The following CACNA1E variants were observed in gnomAD, a reference collection of about 807,000 sequenced individuals.
CACNA1E encodes the protein voltage-dependent R-type calcium channel subunit alpha-1E.
A neutral mutation model predicts 259.2 loss-of-function variants in CACNA1E; 40 were observed. That is an observed-to-expected ratio of 0.15 (90% CI 0.12 to 0.20). CACNA1E has a LOEUF of 0.20. Ranked by LOEUF, CACNA1E falls within the 10% of genes least tolerant of loss-of-function variation. CACNA1E has a pLI of 1.00. For missense variants in CACNA1E, 1,874 were observed against 3,040.1 expected (o/e 0.62, Z 9.02); for synonymous variants, 1,104 against 1,138.5 (o/e 0.97, Z 0.61).
At chr1:181,577,730 C>G in intron 3 of CACNA1E, 36 bp from the exon 4 acceptor site, 1 of 1,418,878 alleles carries the variant, frequency 7.0e-7, no homozygotes, top group Non-Finnish European at 9.8e-7. Context: ...GAAAACCAGA[C>G]TGGTAACCTT....
At chr1:181,377,211 A>G (rs1371210502) in intron 1 of CACNA1E, among the ~76,000 whole-genome samples, 1 of 152,206 alleles carries the variant, frequency 6.6e-6, no homozygotes, top group Non-Finnish European at 1.5e-5. Flanking sequence ...AGTAATCAGA[A>G]TAGACTTTAT....
intron 7 of CACNA1E, among the ~76,000 whole-genome samples, chr1:181,655,447 CAAAT>C (rs1486464895): frequency 6.6e-6 from 1 of 152,134 alleles, no homozygotes; most frequent in African/African-American, 2.4e-5. Context: ...AAGTTAGTAA[CAAAT>C]AGATAAGTTC....
intron 1 of CACNA1E, among the ~76,000 whole-genome samples, chr1:181,508,561 T>C (rs189848240): frequency 3.3e-5 from 5 of 152,320 alleles, no homozygotes; most frequent in African/African-American, 9.6e-5. Flanking sequence ...TATGGGACAC[T>C]GGGTCCTTGT....
intron 3 of CACNA1E, among the ~76,000 whole-genome samples, chr1:181,519,410 G>A (rs1666832222): frequency 6.6e-6 from 1 of 152,144 alleles, no homozygotes; most frequent in South Asian, 2.1e-4. Context: ...GTGCAGAGTG[G>A]TTACCAAAGG....
chr1:181,744,320 A>G (rs115472872), intron 25 of CACNA1E, among the ~76,000 whole-genome samples: 1,785 of 152,258 alleles, frequency 0.012, 33 homozygotes, highest in African/African-American at 0.039. Context: ...GAGCCACATA[A>G]TATGTTCCTC....
chr1:181,587,837 A>T (rs993700408), intron 6 of CACNA1E, among the ~76,000 whole-genome samples: 1 of 152,172 alleles, frequency 6.6e-6, no homozygotes, highest in South Asian at 2.1e-4. Flanking sequence ...GAGCCGAGAT[A>T]GCGCCACTGC....
intron 43 of CACNA1E, 34 bp downstream of exon 43, chr1:181,785,853 T>C (rs2102847895): frequency 7.2e-7 from 1 of 1,393,058 alleles, no homozygotes. Context: ...GGCATGGCTG[T>C]TTGCAATCTG....
intron 5 of CACNA1E, among the ~76,000 whole-genome samples, chr1:181,579,652 GA>G (rs1419775749): frequency 1.3e-5 from 2 of 151,290 alleles, no homozygotes; most frequent in African/African-American, 2.4e-5. Context: ...TCTGTCTACA[GA>G]AAAAAAAAGT....
chr1:181,630,011 T>C (rs1401582727), intron 6 of CACNA1E, among the ~76,000 whole-genome samples: 2 of 151,930 alleles, frequency 1.3e-5, no homozygotes, highest in African/African-American at 4.8e-5. Context: ...TATAGTATGA[T>C]CCCATTCAAA....
At position 181,523,145 on chromosome 1, in the gene CACNA1E, G is replaced by A. The variant is rs549886534; in HGVS notation, c.512+11635G>A. Among the ~76,000 whole-genome samples, 698 of 152,252 alleles carry A rather than the reference G, an allele frequency of 4.6e-3. 4 individuals are homozygous for A. Among genetic ancestry groups the A allele is most frequent in the Non-Finnish European group, 7.8e-3 (533 of 68,010 alleles). ...ACCTCCAGTCCTTCTTCTCCAATAA[G>A]CAAATTCAAGTTTGGGGTGGGATCT... On this transcript the variant is annotated intron_variant, in intron 3 of 47. Transcript: ENST00000367573.
At chr1:181,590,401 CAA>C (rs397861970) in intron 6 of CACNA1E, among the ~76,000 whole-genome samples, 6,603 of 118,422 alleles carry the variant, frequency 0.056, 224 homozygotes, top group African/African-American at 0.098. Flanking sequence ...GAGTCAATTA[CAA>C]AAAAAAAAAA....
At chr1:181,567,972 C>T (rs1486531499) in intron 3 of CACNA1E, among the ~76,000 whole-genome samples, 1 of 151,984 alleles carries the variant, frequency 6.6e-6, no homozygotes, top group African/African-American at 2.4e-5. Context: ...TATACACACA[C>T]ACACATCTGG....
rs1219493207 is a variant in CACNA1E at position 181,805,085 on chromosome 1, T to C, written c.*6251T>C. The C allele has an allele frequency of 6.6e-6, 1 of 152,110 alleles. No individual in the cohort carries two copies. Among genetic ancestry groups the C allele is most frequent in the East Asian group, 1.9e-4 (1 of 5,188 alleles). The allele number at this position is 152,110 out of a possible 1,614,324, so 9.4% of individuals were successfully genotyped here. A position where few individuals can be genotyped will look rare whatever the true frequency, so the allele number is the denominator to read the frequency against. ...CCAGCATTGGAAATCTGAACGAATC[T>C]TTTCTCTTTTTGTCCTACAAGTTTG... On this transcript the variant is annotated 3_prime_UTR_variant, in exon 48 of 48. Coordinates refer to ENST00000367573, the MANE Select transcript of CACNA1E (RefSeq NM_001205293.3).
intron 6 of CACNA1E, among the ~76,000 whole-genome samples, chr1:181,617,969 G>T (rs890845513): frequency 3.9e-5 from 6 of 152,162 alleles, no homozygotes; most frequent in African/African-American, 1.4e-4. Context: ...TTGCCTGTCA[G>T]TTCCTTTTAT....
chr1:181,797,611 AGGAGTCTGCCTT>A (rs1333964889), intron 47 of CACNA1E, among the ~76,000 whole-genome samples: 21 of 152,202 alleles, frequency 1.4e-4, no homozygotes, highest in African/African-American at 4.3e-4. Flanking sequence ...TGAAGGACCC[AGGAGTCTGCCTT>A]TGAAAAGACC....
intron 3 of CACNA1E, among the ~76,000 whole-genome samples, chr1:181,553,158 G>A (rs1433908877): frequency 1.3e-5 from 2 of 152,058 alleles, no homozygotes; most frequent in East Asian, 1.9e-4. Context: ...CCATTTGTTC[G>A]TGTACTTTCT....
rs148653461 is a variant in CACNA1E, at chr1:181,570,575, G to A, written c.513-7191G>A. 2.6e-5 allele frequency among the ~76,000 whole-genome samples: 4 copies of A among 152,324 alleles called. No individual in the cohort carries two copies. In the East Asian group the frequency reaches 5.8e-4, roughly 22 times the overall value. On this transcript the variant is annotated intron_variant, in intron 3 of 47. Coordinates refer to ENST00000367573, the MANE Select transcript of CACNA1E (RefSeq NM_001205293.3). ...TTTCACTAGGCTAAAATCCAGGGTT[G>A]TGCTTCCCATCTCTCCTCCCCAGAG...
intron 2 of CACNA1E, among the ~76,000 whole-genome samples, chr1:181,415,641 G>A (rs1658211602): frequency 6.6e-6 from 1 of 152,172 alleles, no homozygotes; most frequent in Admixed American, 6.5e-5. Flanking sequence ...ACTGGCTTTG[G>A]CAACACAGAG....
chr1:181,478,414 C>T (rs1165718428), intron 2 of CACNA1E, among the ~76,000 whole-genome samples: 1 of 152,170 alleles, frequency 6.6e-6, no homozygotes, highest in African/African-American at 2.4e-5. Flanking sequence ...CCACCAGACT[C>T]CCAAGATGTC....
Sources: allele counts gnomAD v4.1 joint callset (sites outside exome capture counted in the v4.1 genomes callset), GRCh38; gene constraint gnomAD v4.1.1; transcripts MANE v1.5; gene names NCBI Gene and HGNC (gene_info 2026-07-23, HGNC 2026-07-21).